Variants in RASL12 observed in about 807,000 individuals in gnomAD.
RASL12 encodes the protein ras-like protein family member 12.
In RASL12, 16 loss-of-function variants were observed where a neutral mutation model predicts 22.9. The observed-to-expected ratio is 0.70, with a 90% CI of 0.47 to 1.06. The LOEUF (loss-of-function observed/expected upper bound fraction) is 1.06. Among genes scored for constraint, RASL12 ranks in the 50% least tolerant of loss-of-function variants. RASL12 has a pLI of 0.00. For synonymous variants in RASL12, 159 were observed against 152.2 expected (o/e 1.04, Z -0.33); for missense variants, 306 against 353.1 (o/e 0.87, Z 1.07).
chr15:65,075,268 G>A (rs2086957901), intron 1 of RASL12, among the ~76,000 whole-genome samples: 1 of 152,246 alleles, frequency 6.6e-6, no homozygotes, highest in Non-Finnish European at 1.5e-5. Context: ...CCGCAGGGCA[G>A]GGCTCAGGAC....
intron 2 of RASL12, among the ~76,000 whole-genome samples, chr15:65,060,278 G>A (rs1162971993): frequency 1.3e-5 from 2 of 152,182 alleles, no homozygotes; most frequent in Non-Finnish European, 2.9e-5. Context: ...AAAGTTAATA[G>A]GGCAGGATCA....
chr15:65,049,945 A>G, downstream of RASL12: 4 of 1,374,426 alleles, frequency 2.9e-6, no homozygotes, highest in Non-Finnish European at 4.0e-6. Context: ...GGAGGCCAGG[A>G]GGGCTGCTGG....
At chr15:65,064,864 G>C (rs561106711) in intron 2 of RASL12, among the ~76,000 whole-genome samples, 108 of 152,344 alleles carry the variant, frequency 7.1e-4, no homozygotes, top group African/African-American at 2.5e-3. Context: ...AAAGTGCTGA[G>C]ATTACAGGCA....
intron 2 of RASL12, among the ~76,000 whole-genome samples, chr15:65,060,392 G>T (rs955421388): frequency 2.6e-5 from 4 of 152,326 alleles, no homozygotes; most frequent in African/African-American, 9.6e-5. Flanking sequence ...GCTTCCCCCA[G>T]TGTCATCACC....
In RASL12 at chr15:65,055,061, C is replaced by A. The variant is rs745969129; in HGVS notation, c.639G>T (p.Arg213=). The A allele has an allele frequency of 6.2e-7, 1 of 1,612,992 alleles. No homozygotes were observed. Among genetic ancestry groups the A allele is most frequent in the East Asian group, 2.2e-5 (1 of 44,850 alleles). The change falls in exon 5 of 5, where the codon CGG becomes CGT. Residue 213 remains arginine (R), a synonymous_variant. Coordinates refer to ENST00000220062, the MANE Select transcript of RASL12 (RefSeq NM_016563.4). ...ALPHQAPLTA[R]HGLASCTFNT... Reference sequence around the variant, plus strand: ...TGAAGGTGCAGCTGGCCAGCCCATGCCGCGCGGTGAGCGGGGCCTGGTGGG... The same window carrying A: ...TGAAGGTGCAGCTGGCCAGCCCATGACGCGCGGTGAGCGGGGCCTGGTGGG...
exon 1 of RASL12, chr15:65,076,541 C>T (rs865936146): frequency 9.6e-5 from 67 of 700,976 alleles, no homozygotes; most frequent in Middle Eastern, 6.9e-4. Context: ...CGAGGGTCCG[C>T]GGCTTCATTC....
At chr15:65,062,443 G>C (rs763180861) in intron 2 of RASL12, among the ~76,000 whole-genome samples, 4 of 152,236 alleles carry the variant, frequency 2.6e-5, no homozygotes, top group African/African-American at 9.6e-5. Flanking sequence ...TCCTAGCGGA[G>C]AGCAACTGGA....
chr15:65,059,504 T>TG, intron 2 of RASL12, 86 bp from the exon 3 acceptor site: 9 of 1,034,882 alleles, frequency 8.7e-6, no homozygotes, highest in Non-Finnish European at 1.5e-6. Flanking sequence ...CTGTGTGGCC[T>TG]GGGGGGACCT....
intron 4 of RASL12, 117 bp downstream of exon 4, chr15:65,058,310 A>T: frequency 1.3e-6 from 1 of 782,744 alleles, no homozygotes; most frequent in Non-Finnish European, 1.9e-6. Flanking sequence ...AATCCCTTCT[A>T]CCACAATTCA....
At chr15:65,068,939 C>T (rs1448463937), upstream of RASL12, among the ~76,000 whole-genome samples, 1 of 152,226 alleles carries the variant, frequency 6.6e-6, no homozygotes, top group Non-Finnish European at 1.5e-5. The surrounding 1 kb of genome is among the most constrained non-coding windows in gnomAD (Gnocchi z 4.2). Flanking sequence ...ACAGAATCAG[C>T]CCTGGGCTCC....
intron 4 of RASL12, among the ~76,000 whole-genome samples, chr15:65,057,293 G>A (rs2086744452): frequency 6.6e-6 from 1 of 152,198 alleles, no homozygotes; most frequent in Non-Finnish European, 1.5e-5. Flanking sequence ...ATGAGTGGCT[G>A]GTGGAAGGGG....
chr15:65,060,129 G>A (rs1016784388), intron 2 of RASL12, among the ~76,000 whole-genome samples: 1 of 152,122 alleles, frequency 6.6e-6, no homozygotes, highest in Admixed American at 6.5e-5. Context: ...TTTGTCCCAG[G>A]CGCTGTGCTA....
chr15:65,056,973 A>T (rs774783565), intron 4 of RASL12, among the ~76,000 whole-genome samples: 1 of 152,118 alleles, frequency 6.6e-6, no homozygotes, highest in Non-Finnish European at 1.5e-5. Context: ...TTTTCCCTGT[A>T]CTGAAAACTG....
downstream of RASL12, among the ~76,000 whole-genome samples, chr15:65,051,059 G>A (rs2140507949): frequency 6.6e-6 from 1 of 152,008 alleles, no homozygotes; most frequent in South Asian, 2.1e-4. Flanking sequence ...GGCCAGGCTG[G>A]TCTTGAACTC....
chr15:65,072,840 C>T (rs887276789), upstream of RASL12, among the ~76,000 whole-genome samples: 7 of 152,102 alleles, frequency 4.6e-5, no homozygotes, highest in Admixed American at 2.0e-4. Flanking sequence ...AGGTGACTGC[C>T]CAGCATTTGT....
chr15:65,058,249 A>T (rs566979492), intron 4 of RASL12, among the ~76,000 whole-genome samples, 178 bp downstream of exon 4: 1 of 152,360 alleles, frequency 6.6e-6, no homozygotes, highest in South Asian at 2.1e-4. Context: ...AGCCTGGGTG[A>T]CACAGTGAGA....
At chr15:65,051,386 T>G, downstream of RASL12, 1 of 812,298 alleles carries the variant, frequency 1.2e-6, no homozygotes. Flanking sequence ...GGGCCCATCT[T>G]TGATTAGGGT....
rs1206506923 is a variant in RASL12, at chr15:65,067,945, C to A, written c.-110G>T. ...TGCAGGCTTCCCTGGAGCGCGCGGCCCCGGACCCGTCGGCGTCCGCGCCCT... is the reference window on the plus strand; with the variant it reads ...TGCAGGCTTCCCTGGAGCGCGCGGCACCGGACCCGTCGGCGTCCGCGCCCT... On this transcript the variant is annotated 5_prime_UTR_variant, in exon 1 of 5. Coordinates refer to ENST00000220062, the MANE Select transcript of RASL12 (RefSeq NM_016563.4). 8.3e-7 allele frequency: 1 copy of A among 1,206,114 alleles called. No homozygotes were observed. The highest frequency in any genetic ancestry group is 1.6e-5 in the African/African-American group (1 of 63,026). 74.7% of individuals were successfully genotyped at this position (1,206,114 alleles called of 1,614,324 possible).
At chr15:65,065,869 T>A (rs1208992129) in intron 1 of RASL12, among the ~76,000 whole-genome samples, 1 of 152,098 alleles carries the variant, frequency 6.6e-6, no homozygotes, top group Non-Finnish European at 1.5e-5. Flanking sequence ...GCCTCTACAC[T>A]CATCATGGAT....
Sources: allele counts gnomAD v4.1 joint callset (sites outside exome capture counted in the v4.1 genomes callset), GRCh38; gene constraint gnomAD v4.1.1; non-coding constraint Gnocchi (gnomAD v3.1); transcripts MANE v1.5; gene names NCBI Gene and HGNC (gene_info 2026-07-23, HGNC 2026-07-21).